FBXL18: variants seen among roughly 807,000 people sequenced by gnomAD.
The protein encoded by FBXL18 is F-box and leucine rich repeat protein 18.
In FBXL18, 36 loss-of-function variants were observed where a neutral mutation model predicts 46.0. The ratio of observed to expected loss-of-function variants is 0.78; its 90% confidence interval spans 0.60 to 1.03. FBXL18 has a LOEUF of 1.03. FBXL18 is among the 50% of genes least tolerant of loss of function. FBXL18 has a pLI of 0.00. For synonymous variants in FBXL18, 557 were observed against 465.3 expected, an observed-to-expected ratio of 1.20 and a Z score of -2.54; for missense variants, 977 against 1,004.1, an observed-to-expected ratio of 0.97 and a Z score of 0.36.
At chr7:5,458,777 C>G (rs368079291) in intron 4 of FBXL18, among the ~76,000 whole-genome samples, 13 of 152,166 alleles carry the variant, frequency 8.5e-5, no homozygotes, top group African/African-American at 2.4e-4. Context: ...ATGAGAATCA[C>G]TTGAACCCGG....
chr7:5,510,426 G>A (rs1784502364), intron 1 of FBXL18, among the ~76,000 whole-genome samples: 1 of 151,504 alleles, frequency 6.6e-6, no homozygotes, highest in South Asian at 2.1e-4. Context: ...GCTCACGCCT[G>A]TAATCCCAGC....
Position 5,481,900 on chromosome 7 carries a change from C to G in FBXL18, c.2032G>C (p.Val678Leu), listed in dbSNP as rs766265655. The G allele has an allele frequency of 2.5e-6, 4 of 1,611,980 alleles. No individual in the cohort carries two copies. In the African/African-American group the frequency reaches 5.3e-5, roughly 22 times the overall value. ...FQAERPALNV[V>L]IFPLLHEGLT... ...CCCTCGTGGAGCAGAGGGAAGATGACGACGTTTAACGCGGGCCGCTCGGCC... is the reference window on the plus strand; with the variant it reads ...CCCTCGTGGAGCAGAGGGAAGATGAGGACGTTTAACGCGGGCCGCTCGGCC... Residue 678 changes from valine (V) to leucine (L), a missense_variant, in exon 5 of 5, where the codon GTC (valine) becomes CTC (leucine). By Grantham distance (32) the Val-to-Leu change is conservative (BLOSUM62 1). Transcript: ENST00000382368.
intron 3 of FBXL18, among the ~76,000 whole-genome samples, chr7:5,491,678 A>G (rs1388079662): frequency 6.6e-6 from 1 of 152,148 alleles, no homozygotes; most frequent in East Asian, 1.9e-4. Flanking sequence ...GCCTGATGCA[A>G]GCAGCCAGCC....
chr7:5,459,806 G>A (rs897556444), intron 4 of FBXL18, among the ~76,000 whole-genome samples: 2 of 151,898 alleles, frequency 1.3e-5, no homozygotes, highest in Non-Finnish European at 2.9e-5. Context: ...CCAGCTACTC[G>A]GGAGGATGAG....
intron 3 of FBXL18, among the ~76,000 whole-genome samples, chr7:5,493,689 G>A (rs1056154777): frequency 6.7e-6 from 1 of 149,542 alleles, no homozygotes; most frequent in East Asian, 2.0e-4. Context: ...GCGTGCGTGT[G>A]TGTGTGTGGA....
intron 2 of FBXL18, among the ~76,000 whole-genome samples, chr7:5,502,482 C>G (rs1381981068): frequency 6.6e-6 from 1 of 151,866 alleles, no homozygotes; most frequent in Non-Finnish European, 1.5e-5. Context: ...TTGCAATTAG[C>G]CAAGATCTTG....
intron 3 of FBXL18, among the ~76,000 whole-genome samples, chr7:5,499,554 C>T: frequency 6.6e-6 from 1 of 151,914 alleles, no homozygotes; most frequent in Non-Finnish European, 1.5e-5. Context: ...TACTGCAAAA[C>T]CCCGTCTCTA....
Position 5,489,045 on chromosome 7 carries a change from G to C in FBXL18, c.2000+2186C>G, listed in dbSNP as rs528965297. The C allele has an allele frequency of 2.1e-3, 645 of 302,600 alleles. 1 individual carries two copies. The highest frequency in any genetic ancestry group is 3.2e-3 in the Non-Finnish European group (487 of 154,594). 18.7% of individuals were successfully genotyped at this position (302,600 alleles called of 1,614,324 possible). A position where few individuals can be genotyped will look rare whatever the true frequency, so the allele number is the denominator to read the frequency against. ...CTGGAACATTCCAGCTGCCACCCAG[G>C]CTGCCCCCCTGGTTCCACCGCAGGC... On this transcript the variant is annotated intron_variant, in intron 4 of 4. Coordinates refer to ENST00000382368, the MANE Select transcript of FBXL18 (RefSeq NM_024963.6).
intron 4 of FBXL18, among the ~76,000 whole-genome samples, chr7:5,484,343 C>A (rs892575013): frequency 6.6e-6 from 1 of 151,832 alleles, no homozygotes; most frequent in Non-Finnish European, 1.5e-5. Context: ...TGGTGGTGGG[C>A]GCCTGTAGTC....
chr7:5,503,493 A>G (rs1784319369), intron 2 of FBXL18, among the ~76,000 whole-genome samples: 1 of 150,940 alleles, frequency 6.6e-6, no homozygotes. Flanking sequence ...AGCTGGAACT[A>G]CAGACATGTG....
chr7:5,471,865 C>A (rs1161305804), downstream of FBXL18, among the ~76,000 whole-genome samples: 1 of 152,174 alleles, frequency 6.6e-6, no homozygotes, highest in African/African-American at 2.4e-5. Context: ...GTAATCCCAG[C>A]ATTTTGGGAG....
intron 3 of FBXL18, chr7:5,495,693 C>A: frequency 2.8e-6 from 1 of 354,426 alleles, no homozygotes; most frequent in South Asian, 2.0e-5. Context: ...ATCGTGCCAG[C>A]CTCCAGGGAT....
Position 5,496,002 on chromosome 7 carries a change from C to T in FBXL18, c.1781+4486G>A. ...CCACAAAACCCACAGAACCCGCAGG[C>T]CTCTCCGCGCCTTCTCCATGGCCCT... On this transcript the variant is annotated intron_variant, in intron 3 of 4. Transcript: ENST00000382368. This position sits in a 1 kb window ranked among gnomAD's most constrained non-coding sequence, Gnocchi z 4.8. The T allele has an allele frequency of 4.8e-6, 2 of 415,580 alleles. No individual in the cohort carries two copies. The highest frequency in any genetic ancestry group is 3.5e-5 in the South Asian group (2 of 56,894). The allele number at this position is 415,580 out of a possible 1,614,324, so 25.7% of individuals were successfully genotyped here. A position where few individuals can be genotyped will look rare whatever the true frequency, so the allele number is the denominator to read the frequency against.
At chr7:5,462,495 C>A (rs62441002) in intron 4 of FBXL18, among the ~76,000 whole-genome samples, 62,883 of 151,752 alleles carry the variant, frequency 0.41, 14,753 homozygotes, top group Non-Finnish European at 0.52. Context: ...GAGGGAGGCC[C>A]CGGGCTGGGT....
intron 1 of FBXL18, among the ~76,000 whole-genome samples, chr7:5,511,210 G>A (rs1275529452): frequency 6.6e-6 from 1 of 152,122 alleles, no homozygotes; most frequent in Non-Finnish European, 1.5e-5. Flanking sequence ...GCCAAGGCAG[G>A]TGGATTATGA....
At position 5,491,438 on chromosome 7, in the gene FBXL18, G is replaced by C. The variant is rs1190263177; in HGVS notation, c.1793C>G (p.Pro598Arg). Residue 598 changes from proline to arginine, a missense_variant, in exon 4 of 5, where the codon CCC becomes CGC. By Grantham distance (103) the Pro-to-Arg change is moderately radical. Transcript: ENST00000382368. ...KRLRDLRLEQPYFSANAQFFQ... is the reference protein window; with the variant it reads ...KRLRDLRLEQRYFSANAQFFQ... ...GAACTGGGCGTTGGCGCTGAAGTAG[G>C]GCTGCTCCAGCCTGCGGGGAGAGAG... The C allele has an allele frequency of 1.9e-6, 3 of 1,584,842 alleles. No homozygotes were observed. Among genetic ancestry groups the C allele is most frequent in the Non-Finnish European group, 2.6e-6 (3 of 1,166,986 alleles).
chr7:5,481,489 C>A lies in FBXL18; in HGVS notation c.*286G>T. On this transcript the variant is annotated 3_prime_UTR_variant, in exon 5 of 5. Transcript: ENST00000382368. ...AGGGATTGCGGCTCAGTATACAAAC[C>A]CCCCAGCCAGGCCCCAAGGGTCAGC... The A allele has an allele frequency of 2.7e-6, 1 of 363,728 alleles. No homozygotes were observed. Among genetic ancestry groups the A allele is most frequent in the Non-Finnish European group, 5.1e-6 (1 of 195,598 alleles). 22.5% of individuals were successfully genotyped at this position (363,728 alleles called of 1,614,324 possible). A position where few individuals can be genotyped will look rare whatever the true frequency, so the allele number is the denominator to read the frequency against.
intron 1 of FBXL18, among the ~76,000 whole-genome samples, chr7:5,508,127 G>A (rs537283566): frequency 1.6e-3 from 240 of 152,076 alleles, no homozygotes; most frequent in Middle Eastern, 3.4e-3. Context: ...CTAGCCAGGC[G>A]TGGTGGCATA....
downstream of FBXL18, chr7:5,475,683 C>G (rs999294905): frequency 6.6e-6 from 1 of 152,410 alleles, no homozygotes; most frequent in African/African-American, 2.4e-5. This position sits in a 1 kb window ranked among gnomAD's most constrained non-coding sequence, Gnocchi z 4.2. Flanking sequence ...CCTCCCCAAG[C>G]ACGGCACCCG....
Sources: allele counts gnomAD v4.1 joint callset (sites outside exome capture counted in the v4.1 genomes callset), GRCh38; gene constraint gnomAD v4.1.1; non-coding constraint Gnocchi (gnomAD v3.1); transcripts MANE v1.5; gene names NCBI Gene and HGNC (gene_info 2026-07-23, HGNC 2026-07-21).